The following ATP12A variants were observed in gnomAD, a reference collection of about 807,000 sequenced individuals.
ATP12A encodes ATPase H+/K+ transporting non-gastric alpha2 subunit, also known as potassium-transporting ATPase alpha chain 2.
In ATP12A, 81 loss-of-function variants were observed where a neutral mutation model predicts 111.2. The observed-to-expected ratio is 0.73, with a 90% CI of 0.61 to 0.88. ATP12A has a LOEUF of 0.88. Among genes scored for constraint, ATP12A ranks in the 40% least tolerant of loss-of-function variants. The probability of loss-of-function intolerance (pLI) is 0.00; values close to 1 mark genes in which losing one functional copy is unlikely to be tolerated. For missense variants in ATP12A, 1,196 were observed against 1,313.1 expected (o/e 0.91, Z 1.38); for synonymous variants, 498 against 499.8 (o/e 1.00, Z 0.05).
chr13:24,708,952 AGAAAGAAAGAAG>A (rs1250385640), intron 17 of ATP12A, among the ~76,000 whole-genome samples: 1,839 of 140,570 alleles, frequency 0.013, 77 homozygotes, highest in Middle Eastern at 0.046. Context: ...AAAGAAAGAA[AGAAAGAAAGAAG>A]GAAAGAGAAA....
chr13:24,703,309 C>A (rs1875475359), intron 14 of ATP12A, among the ~76,000 whole-genome samples: 1 of 152,216 alleles, frequency 6.6e-6, no homozygotes, highest in South Asian at 2.1e-4. Flanking sequence ...GTGGTGTGAT[C>A]TCAGCTCACT....
rs750027263 is a variant in ATP12A at position 24,698,837 on chromosome 13, C to T, written c.1692C>T (p.Gly564=). ...HTAYMELGGL[G]ERVLGFCHLY... ...CCTACATGGAGCTGGGCGGGTTGGG[C>T]GAGCGTGTGCTGGGTGAGTGCGGCG... Residue 564 remains glycine (G), a synonymous_variant, in exon 12 of 23, where the codon GGC becomes GGT. Coordinates refer to ENST00000381946, the MANE Select transcript of ATP12A (RefSeq NM_001676.7). 36 of 1,613,710 alleles carry T rather than the reference C, an allele frequency of 2.2e-5. No homozygotes were observed. In the East Asian group the frequency reaches 4.2e-4, roughly 19 times the overall value.
At position 24,701,973 on chromosome 13, in the gene ATP12A, A is replaced by T; in HGVS notation, c.1920A>T (p.Lys640Asn). ...CTGGTGATCATCCCATCACAGCCAA[A>T]GCTATTGCCAAGAGTGTGGGGATCA... Reference protein sequence around the residue: ...MVTGDHPITAKAIAKSVGIIS... With the variant: ...MVTGDHPITANAIAKSVGIIS... The change falls in exon 14 of 23, where the codon AAA (lysine) becomes AAT (asparagine). Residue 640 changes from lysine to asparagine, a missense_variant. This residue lies in a region of ATP12A where 1,126 missense variants were observed against 1,228.5 expected (regional missense o/e 0.92). Coordinates refer to ENST00000381946, the MANE Select transcript of ATP12A (RefSeq NM_001676.7). The T allele has an allele frequency of 6.2e-7, 1 of 1,614,224 alleles. No individual in the cohort carries two copies. Among genetic ancestry groups the T allele is most frequent in the Non-Finnish European group, 8.5e-7 (1 of 1,180,036 alleles).
rs142661524 is a variant in ATP12A at position 24,692,490 on chromosome 13, A to G, written c.1130A>G (p.Glu377Gly). Residue 377 changes from glutamate to glycine, a missense_variant, in exon 9 of 23, where the codon GAG becomes GGG. Physicochemically the swap from Glu to Gly is moderately conservative, Grantham distance 98. This residue lies in a region of ATP12A where 1,126 missense variants were observed against 1,228.5 expected (regional missense o/e 0.92). Transcript: ENST00000381946. Reference sequence around the variant, plus strand: ...AAGAACTGCCTGGTGAAGAACCTGGAGGCTGTGGAGACCCTCGGCTCCACC... The same window carrying G: ...AAGAACTGCCTGGTGAAGAACCTGGGGGCTGTGGAGACCCTCGGCTCCACC... ...AKKNCLVKNLEAVETLGSTSI... is the reference protein window; with the variant it reads ...AKKNCLVKNLGAVETLGSTSI... 7.9e-5 allele frequency: 127 copies of G among 1,614,196 alleles called. No individual in the cohort carries two copies. The African/African-American group carries it at 1.6e-3, about 20-fold the overall frequency.
chr13:24,688,295 A>G lies in ATP12A; in HGVS notation c.229-24A>G, dbSNP rs758854569. The G allele has an allele frequency of 2.9e-5, 46 of 1,596,364 alleles. No homozygotes were observed. In the South Asian group the frequency reaches 5.0e-4, roughly 17 times the overall value. ...TAATTCGTATTTGTTTTGGTTGTGC[A>G]TGTGCTTTGTTTGGCTTTCCCAGGG... On this transcript the variant is annotated intron_variant, in intron 3 of 22. Coordinates refer to ENST00000381946, the MANE Select transcript of ATP12A (RefSeq NM_001676.7).
chr13:24,691,872 A>C (rs1048812911), intron 8 of ATP12A, among the ~76,000 whole-genome samples: 1 of 152,220 alleles, frequency 6.6e-6, no homozygotes, highest in African/African-American at 2.4e-5. Context: ...AAAGAGAAGA[A>C]GTTTTTGAAG....
chr13:24,691,339 C>T (rs1874896073), intron 8 of ATP12A, 89 bp downstream of exon 8: 3 of 1,462,148 alleles, frequency 2.1e-6, no homozygotes, highest in Admixed American at 2.1e-5. Flanking sequence ...GCAATCTCCC[C>T]CAAGTCCAGA....
rs1292553345 is a variant in ATP12A at position 24,709,294 on chromosome 13, GC to G, written c.2494-64del. 479 of 113,248 alleles carry G rather than the reference GC, an allele frequency of 4.2e-3. 9 individuals are homozygous for G. The South Asian group carries it at 0.052, about 12-fold the overall frequency. 7.0% of individuals were successfully genotyped at this position (113,248 alleles called of 1,614,324 possible). On this transcript the variant is annotated intron_variant, in intron 17 of 22. Transcript: ENST00000381946. ...TCCAGCCAGTGCCCCACCCACCCCA[GC>G]CCCCCTCCCCTACTGTGGGTAGAGC...
At chr13:24,700,944 C>G (rs989042185) in intron 13 of ATP12A, 22 bp downstream of exon 13, 1 of 1,609,490 alleles carries the variant, frequency 6.2e-7, no homozygotes, top group Non-Finnish European at 8.5e-7. Context: ...TTTCCTGACT[C>G]AAGAAGTTCT....
chr13:24,681,428 G>A (rs1239261890), intron 1 of ATP12A, 134 bp from the exon 2 acceptor site: 5 of 1,079,564 alleles, frequency 4.6e-6, no homozygotes, highest in South Asian at 3.3e-5. Flanking sequence ...GACTCCCTCC[G>A]GCCTCCCCAG....
rs377429410 is a variant in ATP12A, at chr13:24,689,342, C to T, written c.513C>T (p.Asn171=). 6.8e-6 allele frequency: 11 copies of T among 1,614,044 alleles called. No homozygotes were observed. Among genetic ancestry groups the T allele is most frequent in the Admixed American group, 1.7e-5 (1 of 60,012 alleles). The change falls in exon 5 of 23, where the codon AAC becomes AAT. Residue 171 remains asparagine (N), a synonymous_variant. Transcript: ENST00000381946. ...ATTACCAAGAGGCAAAAAGCACCAA[C>T]ATCATGTCCAGCTTCAATAAGATGA... ...FAYYQEAKST[N]IMSSFNKMIP... is the part of the protein sequence containing the mutation.
intron 2 of ATP12A, among the ~76,000 whole-genome samples, chr13:24,681,998 GTGGTGTGTGTATATGGT>G (rs1874464179): frequency 2.3e-5 from 3 of 129,874 alleles, no homozygotes; most frequent in Admixed American, 7.5e-5. Flanking sequence ...TGTATGGTGT[GTGGTGTGTGTATATGGT>G]GTGTGTAGTG....
chr13:24,689,402 C>G (rs1874787385), intron 5 of ATP12A, 27 bp downstream of exon 5: 1 of 1,587,886 alleles, frequency 6.3e-7, no homozygotes, highest in Admixed American at 1.7e-5. Flanking sequence ...TATCCTCTGG[C>G]CTCTGGTGAC....
At chr13:24,683,603 G>A (rs967278190) in intron 2 of ATP12A, among the ~76,000 whole-genome samples, 10 of 152,108 alleles carry the variant, frequency 6.6e-5, no homozygotes, top group Admixed American at 6.5e-5. Flanking sequence ...GCATTTGTCC[G>A]TATCTATCAT....
At chr13:24,683,680 G>A (rs929064626) in intron 2 of ATP12A, among the ~76,000 whole-genome samples, 1 of 152,146 alleles carries the variant, frequency 6.6e-6, no homozygotes, top group African/African-American at 2.4e-5. Flanking sequence ...TGTAACTGAA[G>A]TTCAGTTTCC....
In ATP12A at chr13:24,680,757, G is replaced by A; in HGVS notation, c.9+5G>A. 2 of 1,495,686 alleles carry A rather than the reference G, an allele frequency of 1.3e-6. No individual in the cohort carries two copies. Among genetic ancestry groups the A allele is most frequent in the South Asian group, 1.3e-5 (1 of 79,986 alleles). 92.7% of individuals were successfully genotyped at this position (1,495,686 alleles called of 1,614,324 possible). On this transcript the variant is annotated splice_donor_5th_base_variant and intron_variant, in intron 1 of 22. Coordinates refer to ENST00000381946, the MANE Select transcript of ATP12A (RefSeq NM_001676.7). ...CACCAGCCCAGCATGCACCAGGTGC[G>A]TGCAGCCCCCGCGCCGGCCGAGGAT... is the stretch of plus-strand genomic sequence containing the variant.
At position 24,707,492 on chromosome 13, in the gene ATP12A, G is replaced by C. The variant is rs1418121889; in HGVS notation, c.2493+59G>C. On this transcript the variant is annotated intron_variant, in intron 17 of 22. Coordinates refer to ENST00000381946, the MANE Select transcript of ATP12A (RefSeq NM_001676.7). ...CTGCCCCAGGGGAGGTCAAGTTCAG[G>C]GTCGCTACCTTCAAGGGCCGGGGAT... The C allele has an allele frequency of 6.9e-6, 11 of 1,603,582 alleles. No individual in the cohort carries two copies. The Admixed American group carries it at 1.0e-4, about 15-fold the overall frequency.
intron 3 of ATP12A, among the ~76,000 whole-genome samples, chr13:24,687,979 G>C (rs1874729412): frequency 6.6e-6 from 1 of 152,146 alleles, no homozygotes; most frequent in African/African-American, 2.4e-5. Context: ...TGACAGGCCA[G>C]GTCCCTTCGA....
At chr13:24,686,535 T>C (rs1475552507) in intron 3 of ATP12A, among the ~76,000 whole-genome samples, 1 of 151,022 alleles carries the variant, frequency 6.6e-6, no homozygotes, top group Non-Finnish European at 1.5e-5. Flanking sequence ...GGTCAGGAGA[T>C]CGAGACCATC....
Sources: allele counts gnomAD v4.1 joint callset (sites outside exome capture counted in the v4.1 genomes callset), GRCh38; gene constraint gnomAD v4.1.1; regional missense constraint gnomAD v4.1.1; transcripts MANE v1.5; gene names NCBI Gene and HGNC (gene_info 2026-07-23, HGNC 2026-07-21).